Variants in ADAMTS2 observed in about 807,000 individuals in gnomAD.
The protein encoded by ADAMTS2 is A disintegrin and metalloproteinase with thrombospondin motifs 2.
In ADAMTS2, 50 loss-of-function variants were observed where a neutral mutation model predicts 123.0. The ratio of observed to expected loss-of-function variants is 0.41; its 90% CI spans 0.32 to 0.51. The LOEUF is 0.51. Among genes scored for constraint, ADAMTS2 ranks in the 20% least tolerant of loss-of-function variants. The pLI is 0.35. For missense variants in ADAMTS2, 1,494 were observed against 1,705.2 expected (o/e 0.88, Z 2.18); for synonymous variants, 678 against 695.4 (o/e 0.98, Z 0.39).
Position 179,117,474 on chromosome 5 carries a change from T to C in ADAMTS2, c.3179-3150A>G, listed in dbSNP as rs74941826. On this transcript the variant is annotated intron_variant, in intron 21 of 21. Transcript: ENST00000251582. This position sits in a 1 kb window ranked among gnomAD's most constrained non-coding sequence, Gnocchi z 4.2. ...ATCAGCCTGGTACAGTGGTGGGCCA[T>C]CTACGGCTAGTGTGCCAAGTCCCTC... is the stretch of plus-strand genomic sequence containing the variant. Among the ~76,000 whole-genome samples the C allele has an allele frequency of 8.3e-3, 1,267 of 152,082 alleles. 14 individuals are homozygous for C. Among genetic ancestry groups the C allele is most frequent in the African/African-American group, 0.029 (1,208 of 41,474 alleles).
intron 2 of ADAMTS2, among the ~76,000 whole-genome samples, chr5:179,283,548 G>GAAAAAAAA (rs1561684356): frequency 2.4e-4 from 1 of 4,238 alleles, no homozygotes; most frequent in African/African-American, 7.3e-4. Context: ...TAGAAAAACA[G>GAAAAAAAA]CAAAAAAAAA....
At chr5:179,319,314 G>T (rs1309259595) in intron 2 of ADAMTS2, among the ~76,000 whole-genome samples, 1 of 152,130 alleles carries the variant, frequency 6.6e-6, no homozygotes, top group African/African-American at 2.4e-5. Flanking sequence ...CCATGCATGT[G>T]CATGGCAGAC....
intron 3 of ADAMTS2, among the ~76,000 whole-genome samples, chr5:179,259,209 C>T (rs1320438038): frequency 6.6e-6 from 1 of 152,206 alleles, no homozygotes; most frequent in Admixed American, 6.5e-5. Flanking sequence ...TCAGGTACTT[C>T]GCATCTGCTG....
At position 179,127,239 on chromosome 5, in the gene ADAMTS2, T is replaced by G. The variant is rs191804768; in HGVS notation, c.2617+720A>C. ...GATTTCAGGAATCACCAGGGGTGGA[T>G]GCGCTGATGAAATCCAGGCCCGGTG... On this transcript the variant is annotated intron_variant, in intron 17 of 21. Transcript: ENST00000251582. Among the ~76,000 whole-genome samples, 291 of 152,268 alleles carry G rather than the reference T, an allele frequency of 1.9e-3. 1 individual carries two copies. The highest frequency in any genetic ancestry group is 6.5e-3 in the African/African-American group (270 of 41,554).
chr5:179,188,270 A>AG lies in ADAMTS2; in HGVS notation c.892-7116dup, dbSNP rs71589491. On this transcript the variant is annotated intron_variant, in intron 4 of 21. Transcript: ENST00000251582. The surrounding 1 kb of genome is among the most constrained non-coding windows in gnomAD (Gnocchi z 5.1). ...GAAAAGTCTGTCAGAGGCCTGGGGG[A>AG]GGGGGGCCTGCTGCTCTGTGGCTTC... Among the ~76,000 whole-genome samples the AG allele has an allele frequency of 6.6e-6, 1 of 152,102 alleles. No homozygotes were observed. Among genetic ancestry groups the AG allele is most frequent in the Admixed American group, 6.5e-5 (1 of 15,280 alleles).
rs371538190 is a variant in ADAMTS2 at position 179,205,980 on chromosome 5, C to T, written c.891+1533G>A. On this transcript the variant is annotated intron_variant, in intron 4 of 21. Coordinates refer to ENST00000251582, the MANE Select transcript of ADAMTS2 (RefSeq NM_014244.5). ...TAGAGACGGGGTTTCACCGTGGTCT[C>T]GATCTCCTGACCTCGTGATCCGCCC... 1.4e-3 allele frequency among the ~76,000 whole-genome samples: 217 copies of T among 152,182 alleles called. 1 individual carries two copies. Among genetic ancestry groups the T allele is most frequent in the Non-Finnish European group, 1.7e-3 (114 of 68,022 alleles).
rs557612440 is a variant in ADAMTS2 at position 179,310,545 on chromosome 5, G to A, written c.534+33222C>T. Among the ~76,000 whole-genome samples, 194 of 152,266 alleles carry A rather than the reference G, an allele frequency of 1.3e-3. 1 individual carries two copies. Among genetic ancestry groups the A allele is most frequent in the African/African-American group, 3.3e-3 (139 of 41,546 alleles). On this transcript the variant is annotated intron_variant, in intron 2 of 21. Coordinates refer to ENST00000251582, the MANE Select transcript of ADAMTS2 (RefSeq NM_014244.5). ...GATTGGCGTCTCTGGGCCACCCACC[G>A]GTGCTAGAATCCCGGCTGGGGTGAG...
At chr5:179,116,182 G>A (rs1273770267) in intron 21 of ADAMTS2, among the ~76,000 whole-genome samples, 1 of 151,996 alleles carries the variant, frequency 6.6e-6, no homozygotes, top group Non-Finnish European at 1.5e-5. Flanking sequence ...AGGGGTCTGT[G>A]TCCATTCTTC....
In ADAMTS2 at chr5:179,129,286, T is replaced by C. The variant is rs767002232; in HGVS notation, c.2457+646A>G. Among the ~76,000 whole-genome samples the C allele has an allele frequency of 2.0e-5, 3 of 152,168 alleles. No homozygotes were observed. Among genetic ancestry groups the C allele is most frequent in the Non-Finnish European group, 4.4e-5 (3 of 68,032 alleles). ...GCACCTGCTTACAGGTGCACCCACGTGTGGAGCGCTGGGGGCTGGTGGATT... is the reference window on the plus strand; with the variant it reads ...GCACCTGCTTACAGGTGCACCCACGCGTGGAGCGCTGGGGGCTGGTGGATT... On this transcript the variant is annotated intron_variant, in intron 16 of 21. Coordinates refer to ENST00000251582, the MANE Select transcript of ADAMTS2 (RefSeq NM_014244.5). The surrounding 1 kb of genome is among the most constrained non-coding windows in gnomAD (Gnocchi z 4.1).
Position 179,132,841 on chromosome 5 carries a change from GCACACGC to G in ADAMTS2, c.2138_2144del (p.Gly713AlafsTer42). On this transcript the variant is annotated frameshift_variant, in exon 14 of 22. Transcript: ENST00000251582. LOFTEE classifies it high-confidence loss of function. This position sits in a 1 kb window ranked among gnomAD's most constrained non-coding sequence, Gnocchi z 6.1. ...CTTTGCAGTGGCTGTTGTCCCCTCC[GCACACGC>G]CACACTTGTCTTCCTGCTTGCTGGA... 1 of 1,613,986 alleles carries G rather than the reference GCACACGC, an allele frequency of 6.2e-7. No individual in the cohort carries two copies.
chr5:179,251,233 C>T (rs1308371727), intron 3 of ADAMTS2, among the ~76,000 whole-genome samples: 1 of 152,162 alleles, frequency 6.6e-6, no homozygotes, highest in Non-Finnish European at 1.5e-5. Context: ...GTGAAAATGA[C>T]ATCCACACGG....
chr5:179,169,364 C>T (rs1581166041), intron 5 of ADAMTS2, among the ~76,000 whole-genome samples: 1 of 152,190 alleles, frequency 6.6e-6, no homozygotes, highest in African/African-American at 2.4e-5. Context: ...AACACAATTC[C>T]ATTGGTTATA....
chr5:179,186,376 A>C (rs887202624), intron 4 of ADAMTS2, among the ~76,000 whole-genome samples: 7 of 152,126 alleles, frequency 4.6e-5, no homozygotes, highest in African/African-American at 1.7e-4. Context: ...GGTTAATATG[A>C]TACATCAGGA....
chr5:179,296,196 C>A (rs769397218), intron 2 of ADAMTS2, among the ~76,000 whole-genome samples: 4 of 152,116 alleles, frequency 2.6e-5, no homozygotes, highest in Non-Finnish European at 5.9e-5. Flanking sequence ...CCTCAGCAGA[C>A]GCTTTGGGTG....
At chr5:179,286,962 T>C (rs1756038704) in intron 2 of ADAMTS2, among the ~76,000 whole-genome samples, 1 of 152,108 alleles carries the variant, frequency 6.6e-6, no homozygotes, top group African/African-American at 2.4e-5. Flanking sequence ...CAGTTAATTA[T>C]CTCTTTAAAG....
At chr5:179,320,608 G>C (rs1757142147) in intron 2 of ADAMTS2, among the ~76,000 whole-genome samples, 3 of 151,758 alleles carry the variant, frequency 2.0e-5, no homozygotes, top group Non-Finnish European at 4.4e-5. Flanking sequence ...ATGAGCCACT[G>C]TTCCTGGCCC....
chr5:179,197,853 C>T lies in ADAMTS2; in HGVS notation c.891+9660G>A, dbSNP rs1764464233. On this transcript the variant is annotated intron_variant, in intron 4 of 21. Transcript: ENST00000251582. This position sits in a 1 kb window ranked among gnomAD's most constrained non-coding sequence, Gnocchi z 4.2. ...ACGAAACTTGAGGTGCCACACACAT[C>T]TGAGCTGCCTCCTAGCATGGCAGCC... Among the ~76,000 whole-genome samples, 1 of 152,228 alleles carries T rather than the reference C, an allele frequency of 6.6e-6. No homozygotes were observed. Among genetic ancestry groups the T allele is most frequent in the South Asian group, 2.1e-4 (1 of 4,838 alleles).
chr5:179,218,030 A>G (rs760799315), intron 3 of ADAMTS2, among the ~76,000 whole-genome samples: 2 of 152,214 alleles, frequency 1.3e-5, no homozygotes, highest in Non-Finnish European at 2.9e-5. Context: ...GGAGTCCCCA[A>G]AACGTAAGTC....
chr5:179,293,640 G>A (rs168115), intron 2 of ADAMTS2, among the ~76,000 whole-genome samples: 84,138 of 152,030 alleles, frequency 0.55, 23,936 homozygotes, highest in Non-Finnish European at 0.59. Context: ...TCAAGATGGA[G>A]TCTTGCTCTG....
Sources: allele counts gnomAD v4.1 joint callset (sites outside exome capture counted in the v4.1 genomes callset), GRCh38; gene constraint gnomAD v4.1.1; non-coding constraint Gnocchi (gnomAD v3.1); transcripts MANE v1.5; gene names NCBI Gene and HGNC (gene_info 2026-07-23, HGNC 2026-07-21).